Variants in CPA6 observed in about 807,000 individuals in gnomAD.
CPA6 encodes the protein carboxypeptidase B.
In CPA6, 58 loss-of-function variants were observed where a neutral mutation model predicts 63.3. The observed-to-expected ratio is 0.92, with a 90% CI of 0.74 to 1.14. The LOEUF is 1.14. CPA6 is among the 50% of genes most tolerant of loss of function. CPA6 has a pLI of 0.00. For synonymous variants in CPA6, 185 were observed against 179.0 expected, an observed-to-expected ratio of 1.03 and a Z score of -0.27; for missense variants, 565 against 526.6, an observed-to-expected ratio of 1.07 and a Z score of -0.71.
intron 1 of CPA6, chr8:67,732,617 G>C (rs1435408623): frequency 6.6e-6 from 1 of 152,294 alleles, no homozygotes; most frequent in Non-Finnish European, 1.5e-5. Context: ...CTCAGAGGAG[G>C]GCGCGGTCAC....
intron 8 of CPA6, among the ~76,000 whole-genome samples, chr8:67,470,117 C>G (rs1046925941): frequency 2.0e-5 from 3 of 151,646 alleles, no homozygotes; most frequent in African/African-American, 7.3e-5. Context: ...AACGTCCACT[C>G]CCAACAGGTT....
chr8:67,627,398 G>A (rs1054206383), intron 1 of CPA6, among the ~76,000 whole-genome samples: 2 of 152,150 alleles, frequency 1.3e-5, no homozygotes, highest in African/African-American at 4.8e-5. Context: ...TATCAGAGGA[G>A]GTGAGCTTAG....
chr8:67,470,896 A>G (rs1323757659), intron 8 of CPA6, among the ~76,000 whole-genome samples: 4 of 152,228 alleles, frequency 2.6e-5, no homozygotes. Context: ...AGGTATAATT[A>G]GAATCTAAAT....
intron 2 of CPA6, among the ~76,000 whole-genome samples, chr8:67,603,295 G>T (rs887093847): frequency 3.3e-5 from 5 of 151,828 alleles, no homozygotes; most frequent in African/African-American, 1.2e-4. Context: ...TGCAGGGTTT[G>T]TCCCAAACTG....
At chr8:67,427,181 G>T (rs1809908461) in intron 10 of CPA6, among the ~76,000 whole-genome samples, 1 of 152,126 alleles carries the variant, frequency 6.6e-6, no homozygotes, top group Non-Finnish European at 1.5e-5. Context: ...CCACAGACTT[G>T]AATTCAAGGC....
At chr8:67,508,584 A>G (rs1318011297) in intron 5 of CPA6, among the ~76,000 whole-genome samples, 5 of 152,176 alleles carry the variant, frequency 3.3e-5, no homozygotes, top group Admixed American at 2.6e-4. Flanking sequence ...ATAAGGGGAA[A>G]GGAGGCAGTG....
At chr8:67,693,314 C>A (rs1384349111) in intron 1 of CPA6, among the ~76,000 whole-genome samples, 1 of 152,178 alleles carries the variant, frequency 6.6e-6, no homozygotes, top group Non-Finnish European at 1.5e-5. Flanking sequence ...GGGCTGTTTT[C>A]AATCCCCTAA....
At chr8:67,696,998 C>A (rs1480299919) in intron 1 of CPA6, among the ~76,000 whole-genome samples, 2 of 152,200 alleles carry the variant, frequency 1.3e-5, no homozygotes, top group Non-Finnish European at 2.9e-5. Flanking sequence ...AATTATATTT[C>A]ATTAAAGCTG....
At chr8:67,544,957 C>G (rs1428770513) in intron 2 of CPA6, among the ~76,000 whole-genome samples, 1 of 151,946 alleles carries the variant, frequency 6.6e-6, no homozygotes, top group African/African-American at 2.4e-5. Flanking sequence ...AAAGAGTAGG[C>G]CAAATTATTT....
intron 1 of CPA6, among the ~76,000 whole-genome samples, chr8:67,709,237 G>C (rs1049208653): frequency 1.5e-4 from 23 of 152,178 alleles, no homozygotes; most frequent in African/African-American, 5.6e-4. Flanking sequence ...AAGAATCAGG[G>C]GAGAAGAAAC....
At chr8:67,678,523 T>C (rs1816527132) in intron 1 of CPA6, among the ~76,000 whole-genome samples, 1 of 152,146 alleles carries the variant, frequency 6.6e-6, no homozygotes. Context: ...CATAACAAAA[T>C]GGCACAATGT....
At chr8:67,466,823 GTA>G (rs1810937088) in intron 8 of CPA6, among the ~76,000 whole-genome samples, 1 of 152,082 alleles carries the variant, frequency 6.6e-6, no homozygotes, top group Admixed American at 6.6e-5. Flanking sequence ...TGGCATTTTA[GTA>G]TATGTTTCCT....
At chr8:67,439,597 A>AAG in intron 8 of CPA6, among the ~76,000 whole-genome samples, 1 of 151,284 alleles carries the variant, frequency 6.6e-6, no homozygotes, top group African/African-American at 2.4e-5. Flanking sequence ...CTCAAAAAAA[A>AAG]AAAAGAAAGA....
chr8:67,622,960 A>G (rs1815114887), intron 2 of CPA6, among the ~76,000 whole-genome samples: 1 of 152,224 alleles, frequency 6.6e-6, no homozygotes, highest in South Asian at 2.1e-4. Context: ...GGTAAAAACT[A>G]ACACTCAATT....
intron 1 of CPA6, among the ~76,000 whole-genome samples, chr8:67,742,832 A>C (rs1342279573): frequency 1.3e-5 from 2 of 152,190 alleles, no homozygotes; most frequent in Non-Finnish European, 2.9e-5. Flanking sequence ...TGAAGAAGGC[A>C]CTCAATAAGT....
chr8:67,640,713 C>T (rs1032650035), intron 1 of CPA6, among the ~76,000 whole-genome samples: 3 of 151,424 alleles, frequency 2.0e-5, no homozygotes, highest in East Asian at 1.9e-4. Context: ...TTGAAAGAGG[C>T]GGCCCTTCAG....
intron 8 of CPA6, among the ~76,000 whole-genome samples, chr8:67,438,168 T>C (rs71515064): frequency 0.15 from 22,096 of 152,256 alleles, 1,758 homozygotes; most frequent in Middle Eastern, 0.23. Flanking sequence ...TCTGCCCGCC[T>C]TGGCCTCCGA....
intron 1 of CPA6, among the ~76,000 whole-genome samples, chr8:67,715,297 T>C (rs942316068): frequency 6.6e-6 from 1 of 152,234 alleles, no homozygotes; most frequent in African/African-American, 2.4e-5. Context: ...CAACTGGCTA[T>C]AAACTGGGGG....
At chr8:67,459,467 C>T (rs910065014) in intron 8 of CPA6, among the ~76,000 whole-genome samples, 2 of 152,160 alleles carry the variant, frequency 1.3e-5, no homozygotes, top group South Asian at 2.1e-4. Flanking sequence ...AATAAAGAGA[C>T]ATGGAGGAAA....
Sources: gnomAD v4.1 joint callset for allele counts (sites outside exome capture counted in the v4.1 genomes callset) on GRCh38, gnomAD v4.1.1 for gene constraint, MANE v1.5 for transcripts, NCBI Gene and HGNC (gene_info 2026-07-23, HGNC 2026-07-21) for gene names.